The following IFT74 variants were observed in gnomAD, a reference collection of about 807,000 sequenced individuals.
The protein encoded by IFT74 is intraflagellar transport protein 74 homolog.
IFT74 carries 92 observed loss-of-function variants against 96.7 expected under a neutral mutation model. That is an observed-to-expected ratio of 0.95 (90% CI 0.80 to 1.13). The LOEUF is 1.13. IFT74 is among the 50% of genes most tolerant of loss of function. The probability of loss-of-function intolerance (pLI) is 0.00; values close to 1 mark genes in which losing one functional copy is unlikely to be tolerated. For synonymous variants in IFT74, 223 were observed against 213.2 expected (o/e 1.05, Z -0.40); for missense variants, 811 against 698.2 (o/e 1.16, Z -1.82).
At chr9:26,970,514 G>C (rs1826835811) in intron 2 of IFT74, among the ~76,000 whole-genome samples, 1 of 152,194 alleles carries the variant, frequency 6.6e-6, no homozygotes, top group Non-Finnish European at 1.5e-5. Context: ...AATGTGTACA[G>C]TTTTAATTTA....
chr9:27,014,442 A>G (rs1024781823), intron 10 of IFT74, among the ~76,000 whole-genome samples: 4 of 152,180 alleles, frequency 2.6e-5, no homozygotes, highest in African/African-American at 9.7e-5. Flanking sequence ...TCCATAGGAA[A>G]AATCATAAGC....
intron 11 of IFT74, among the ~76,000 whole-genome samples, chr9:27,017,890 G>A (rs1276586204): frequency 1.3e-5 from 2 of 152,130 alleles, no homozygotes; most frequent in Admixed American, 6.5e-5. Flanking sequence ...AGGGCCTTAG[G>A]AGAACTTCAT....
chr9:27,025,210 C>T (rs1326685274), intron 12 of IFT74, among the ~76,000 whole-genome samples: 3 of 151,770 alleles, frequency 2.0e-5, no homozygotes, highest in African/African-American at 4.8e-5. Context: ...TTTGGGAGGC[C>T]GAGGTGGGCG....
intron 2 of IFT74, chr9:26,976,803 CAT>C (rs1310307640): frequency 2.2e-6 from 1 of 455,860 alleles, no homozygotes; most frequent in Non-Finnish European, 4.4e-6. Flanking sequence ...TATGAACTGA[CAT>C]AAAGGGAGTC....
upstream of IFT74, among the ~76,000 whole-genome samples, chr9:26,952,340 G>A (rs141463010): frequency 8.8e-3 from 1,327 of 150,284 alleles, 18 homozygotes; most frequent in African/African-American, 0.03. Context: ...GCAATGGCGC[G>A]ATCTTGGCTC....
intron 6 of IFT74, among the ~76,000 whole-genome samples, chr9:26,984,803 A>AT (rs1444649882): frequency 6.6e-6 from 1 of 152,198 alleles, no homozygotes; most frequent in African/African-American, 2.4e-5. Context: ...GAAGTCAAAA[A>AT]TAACAGATGC....
At chr9:27,005,295 A>G (rs925826163) in intron 8 of IFT74, among the ~76,000 whole-genome samples, 2 of 145,154 alleles carry the variant, frequency 1.4e-5, no homozygotes, top group African/African-American at 5.1e-5. Context: ...ATGCTCTGTG[A>G]TTAACATATT....
At chr9:26,955,583 C>G (rs1342260978), upstream of IFT74, among the ~76,000 whole-genome samples, 2 of 151,966 alleles carry the variant, frequency 1.3e-5, no homozygotes, top group African/African-American at 2.4e-5. Flanking sequence ...AGGGTGAGCT[C>G]AAATGAGATA....
chr9:26,948,454 T>TATTATTATTA (rs1563926488), intron 1 of IFT74, among the ~76,000 whole-genome samples: 7 of 33,498 alleles, frequency 2.1e-4, no homozygotes, highest in African/African-American at 1.1e-3. Context: ...CATTATTTTT[T>TATTATTATTA]TTTTTTTTTT....
chr9:26,962,488 A>G (rs1826408678), intron 2 of IFT74, among the ~76,000 whole-genome samples: 1 of 152,224 alleles, frequency 6.6e-6, no homozygotes, highest in Admixed American at 6.5e-5. Context: ...ATGAAATGGA[A>G]TAGACCTCAA....
In IFT74 at chr9:26,999,775, T is replaced by TC. The variant is rs1828378406; in HGVS notation, c.588-9245_588-9244insC. ...CTCTTTTGAATCTGTTTATTCTTTT[T>TC]TTTTTTTTTTTTTTTTGGCTGAGAC... On this transcript the variant is annotated intron_variant, in intron 8 of 19. Coordinates refer to ENST00000380062, the MANE Select transcript of IFT74 (RefSeq NM_025103.4). 1.8e-5 allele frequency: 14 copies of TC among 787,104 alleles called. No individual in the cohort carries two copies. In the East Asian group the frequency reaches 3.5e-4, roughly 19 times the overall value. 48.8% of individuals were successfully genotyped at this position (787,104 alleles called of 1,614,324 possible).
chr9:27,017,937 G>A (rs571218246), intron 11 of IFT74, among the ~76,000 whole-genome samples: 11 of 152,130 alleles, frequency 7.2e-5, no homozygotes, highest in Non-Finnish European at 1.2e-4. Flanking sequence ...GGACTCCTTT[G>A]CCCTTAGACT....
chr9:26,986,698 C>T (rs1467424116), intron 6 of IFT74, among the ~76,000 whole-genome samples: 2 of 152,162 alleles, frequency 1.3e-5, no homozygotes, highest in East Asian at 3.9e-4. Context: ...TTGTAGTTCA[C>T]TGCAGCCTCA....
chr9:26,995,249 T>G lies in IFT74; in HGVS notation c.587+5054T>G, dbSNP rs115393375. The G allele has an allele frequency of 4.6e-3, 1,074 of 235,784 alleles. 13 individuals are homozygous for G. Among genetic ancestry groups the G allele is most frequent in the African/African-American group, 0.022 (1,000 of 45,112 alleles). The allele number at this position is 235,784 out of a possible 1,614,324, so 14.6% of individuals were successfully genotyped here. On this transcript the variant is annotated intron_variant, in intron 8 of 19. Coordinates refer to ENST00000380062, the MANE Select transcript of IFT74 (RefSeq NM_025103.4). ...TTAATTCATGAATAATTTAGACCTT[T>G]TTACTAGTTCGTATGGTCACCCAAG...
At chr9:27,040,984 T>G (rs1347635251) in intron 13 of IFT74, among the ~76,000 whole-genome samples, 1 of 152,148 alleles carries the variant, frequency 6.6e-6, no homozygotes, top group East Asian at 1.9e-4. Context: ...CTATTGGCAG[T>G]GCAAGAAGAG....
chr9:26,989,947 A>G (rs1827794563), intron 7 of IFT74, among the ~76,000 whole-genome samples, 187 bp from the exon 8 acceptor site: 1 of 152,204 alleles, frequency 6.6e-6, no homozygotes, highest in African/African-American at 2.4e-5. Flanking sequence ...CTTCTTAAAA[A>G]GACTTTTTAA....
chr9:26,998,037 G>A lies in IFT74; in HGVS notation c.587+7842G>A, dbSNP rs985009086. The stretch of plus-strand genomic sequence containing the variant: ...ATATTTAAAATTTCTAGACTGGAGA[G>A]GTTACCAAAACCGTTATTATGTAAG... On this transcript the variant is annotated intron_variant, in intron 8 of 19. Transcript: ENST00000380062. The A allele has an allele frequency of 2.5e-6, 4 of 1,613,590 alleles. No homozygotes were observed. The African/African-American group carries it at 4.0e-5, about 16-fold the overall frequency.
chr9:26,984,027 G>A (rs911551991), intron 4 of IFT74: 5 of 288,936 alleles, frequency 1.7e-5, no homozygotes, highest in East Asian at 1.0e-4. Context: ...CACGTGATGC[G>A]CCTGCCTCGG....
chr9:27,034,275 A>G (rs944736944), intron 13 of IFT74, among the ~76,000 whole-genome samples: 1 of 152,250 alleles, frequency 6.6e-6, no homozygotes, highest in African/African-American at 2.4e-5. Context: ...CATAATAGAA[A>G]TATATGCAAA....
Sources: allele counts gnomAD v4.1 joint callset (sites outside exome capture counted in the v4.1 genomes callset), GRCh38; gene constraint gnomAD v4.1.1; transcripts MANE v1.5; gene names NCBI Gene and HGNC (gene_info 2026-07-23, HGNC 2026-07-21).